Variants in MYO6 observed in about 807,000 individuals in gnomAD.
MYO6 encodes myosin VI.
MYO6 carries 74 observed loss-of-function variants against 178.7 expected under a neutral mutation model. The ratio of observed to expected loss-of-function variants is 0.41; its 90% CI spans 0.34 to 0.50. The LOEUF (loss-of-function observed/expected upper bound fraction) is 0.50, where lower values mean the gene tolerates loss of function less well. MYO6 is among the 20% of genes least tolerant of loss of function. MYO6 has a pLI of 0.09. For synonymous variants in MYO6, 477 were observed against 504.6 expected (o/e 0.95, Z 0.73); for missense variants, 1,330 against 1,547.4 (o/e 0.86, Z 2.36).
intron 15 of MYO6, among the ~76,000 whole-genome samples, chr6:75,861,948 C>T (rs1776246087): frequency 6.6e-6 from 1 of 152,180 alleles, no homozygotes; most frequent in Non-Finnish European, 1.5e-5. Flanking sequence ...TATCAAAATA[C>T]TCCCATTTGT....
intron 30 of MYO6, among the ~76,000 whole-genome samples, chr6:75,904,348 G>T (rs1194069544): frequency 6.6e-6 from 1 of 151,626 alleles, no homozygotes; most frequent in African/African-American, 2.4e-5. Flanking sequence ...CATTCTCCCC[G>T]TCACTTTCAG....
At chr6:75,804,025 C>G (rs1045426290) in intron 1 of MYO6, among the ~76,000 whole-genome samples, 6 of 152,326 alleles carry the variant, frequency 3.9e-5, no homozygotes, top group African/African-American at 1.4e-4. Flanking sequence ...TCTTAAGTAG[C>G]TGTGACTGCA....
chr6:75,909,816 T>C (rs566506938), intron 32 of MYO6, among the ~76,000 whole-genome samples: 1 of 152,300 alleles, frequency 6.6e-6, no homozygotes, highest in East Asian at 1.9e-4. Flanking sequence ...AGGACCCAAA[T>C]TGACTTAAAA....
At chr6:75,760,218 C>T (rs1343688863) in intron 1 of MYO6, among the ~76,000 whole-genome samples, 1 of 152,138 alleles carries the variant, frequency 6.6e-6, no homozygotes, top group Non-Finnish European at 1.5e-5. Flanking sequence ...TGTTATCTTG[C>T]AGTTGCTGAT....
chr6:75,888,544 G>A (rs1778649220), intron 25 of MYO6, among the ~76,000 whole-genome samples: 1 of 151,778 alleles, frequency 6.6e-6, no homozygotes, highest in Non-Finnish European at 1.5e-5. Context: ...AGGAGATGGA[G>A]GTTGCAGTGA....
In MYO6 at chr6:75,844,898, A is replaced by G; in HGVS notation, c.818A>G (p.Tyr273Cys). Reference sequence around the variant, plus strand: ...TATGTTTAATTTGTTTTGTCATAGTATTTAAACCGAGGCTGCACTAGATAC... The same window carrying G: ...TATGTTTAATTTGTTTTGTCATAGTGTTTAAACCGAGGCTGCACTAGATAC... Reference protein sequence around the residue: ...LHLSSPDNFRYLNRGCTRYFA... With the variant: ...LHLSSPDNFRCLNRGCTRYFA... Residue 273 changes from tyrosine to cysteine, a missense_variant and splice_region_variant, in exon 10 of 35, where the codon TAT becomes TGT. Around this residue, in one of 3 missense-constraint regions of MYO6, gnomAD observed 613 missense variants for 816.8 expected, o/e 0.75. Transcript: ENST00000369977. The G allele has an allele frequency of 6.2e-7, 1 of 1,610,088 alleles. No homozygotes were observed. Among genetic ancestry groups the G allele is most frequent in the Non-Finnish European group, 8.5e-7 (1 of 1,176,604 alleles).
At chr6:75,776,283 C>A (rs967899453) in intron 1 of MYO6, among the ~76,000 whole-genome samples, 1 of 152,156 alleles carries the variant, frequency 6.6e-6, no homozygotes, top group African/African-American at 2.4e-5. Flanking sequence ...AATATAAATT[C>A]TAGGCCATCC....
chr6:75,770,715 G>A (rs1490232259), intron 1 of MYO6, among the ~76,000 whole-genome samples: 1 of 152,176 alleles, frequency 6.6e-6, no homozygotes, highest in African/African-American at 2.4e-5. Context: ...GACCTCAGGT[G>A]ATCCACCAGC....
At chr6:75,898,678 T>C (rs570435629) in intron 30 of MYO6, among the ~76,000 whole-genome samples, 1 of 152,334 alleles carries the variant, frequency 6.6e-6, no homozygotes, top group African/African-American at 2.4e-5. Flanking sequence ...CTACTGCTTA[T>C]CTCTGGCCTC....
intron 1 of MYO6, among the ~76,000 whole-genome samples, chr6:75,787,730 CTATATATATATATATA>C (rs1172801367): frequency 3.4e-4 from 4 of 11,662 alleles, no homozygotes; most frequent in Non-Finnish European, 4.4e-4. Context: ...CTCTCTCTCT[CTATATATATATATATA>C]TATATATATA....
intron 1 of MYO6, among the ~76,000 whole-genome samples, chr6:75,806,642 C>G (rs1057291787): frequency 6.6e-6 from 1 of 152,198 alleles, no homozygotes; most frequent in African/African-American, 2.4e-5. Context: ...ACACCTGGCC[C>G]GCCCAGGGCG....
chr6:75,767,672 C>T (rs369780654), intron 1 of MYO6, among the ~76,000 whole-genome samples: 23 of 151,884 alleles, frequency 1.5e-4, no homozygotes, highest in African/African-American at 5.3e-4. Context: ...GTGCGCACCA[C>T]CACACCCGGC....
Position 75,884,537 on chromosome 6 carries a change from AT to A in MYO6, c.2417-1464del, listed in dbSNP as rs969473758. Among the ~76,000 whole-genome samples, 11 of 152,176 alleles carry A rather than the reference AT, an allele frequency of 7.2e-5. 1 individual carries two copies. The highest frequency in any genetic ancestry group is 7.2e-4 in the Admixed American group (11 of 15,274). The stretch of plus-strand genomic sequence containing the variant: ...CTTGCCCACTACCCAGACAGAGCTG[AT>A]TTATCAAGATAGGAATTGCAGTAGA... On this transcript the variant is annotated intron_variant, in intron 23 of 34. Transcript: ENST00000369977.
At chr6:75,826,894 C>A (rs1468432085) in intron 3 of MYO6, among the ~76,000 whole-genome samples, 1 of 151,344 alleles carries the variant, frequency 6.6e-6, no homozygotes, top group Non-Finnish European at 1.5e-5. Context: ...GCCTTGGCAA[C>A]AGAGTGAGAT....
At position 75,805,703 on chromosome 6, in the gene MYO6, T is replaced by C. The variant is rs373810911; in HGVS notation, c.-47-11798T>C. Among the ~76,000 whole-genome samples, 17 of 152,244 alleles carry C rather than the reference T, an allele frequency of 1.1e-4. No individual in the cohort carries two copies. The East Asian group carries it at 1.3e-3, about 12-fold the overall frequency. ...TGTCAATTAAGTACTAAAAGTAAGA[T>C]AATTTTCAGTTGATGATGGGGAATT... On this transcript the variant is annotated intron_variant, in intron 1 of 34. Coordinates refer to ENST00000369977, the MANE Select transcript of MYO6 (RefSeq NM_004999.4).
intron 25 of MYO6, among the ~76,000 whole-genome samples, chr6:75,887,757 A>G (rs2149361394): frequency 7.2e-6 from 1 of 139,702 alleles, no homozygotes; most frequent in Middle Eastern, 5.8e-3. Flanking sequence ...GCGGATCACA[A>G]GGTCAGGAGA....
intron 3 of MYO6, among the ~76,000 whole-genome samples, chr6:75,828,272 CA>C (rs1479639131): frequency 6.6e-6 from 1 of 152,102 alleles, no homozygotes; most frequent in African/African-American, 2.4e-5. Context: ...GCTTTTTAAT[CA>C]ACCTTCATTA....
intron 33 of MYO6, among the ~76,000 whole-genome samples, chr6:75,913,106 C>A (rs1780886283): frequency 6.6e-6 from 1 of 152,132 alleles, no homozygotes; most frequent in Non-Finnish European, 1.5e-5. Flanking sequence ...CATAGTGAGA[C>A]TCTTAACTGA....
intron 1 of MYO6, among the ~76,000 whole-genome samples, chr6:75,758,956 C>T (rs1176661557): frequency 6.6e-6 from 1 of 151,654 alleles, no homozygotes; most frequent in Non-Finnish European, 1.5e-5. Context: ...TGCAATCTCC[C>T]CCTCCCAGGT....
Sources: allele counts gnomAD v4.1 joint callset (sites outside exome capture counted in the v4.1 genomes callset), GRCh38; gene constraint gnomAD v4.1.1; regional missense constraint gnomAD v4.1.1; transcripts MANE v1.5; gene names NCBI Gene and HGNC (gene_info 2026-07-23, HGNC 2026-07-21).